Variants in MAD1L1 observed in about 807,000 individuals in gnomAD.
MAD1L1 encodes the protein mitotic spindle assembly checkpoint protein MAD1.
MAD1L1 carries 95 observed loss-of-function variants against 96.9 expected under a neutral mutation model. The observed-to-expected ratio is 0.98, with a 90% CI of 0.83 to 1.16. The LOEUF (loss-of-function observed/expected upper bound fraction) is 1.16, where lower values mean the gene tolerates loss of function less well. Ranked by LOEUF, MAD1L1 falls within the 50% of genes most tolerant of loss-of-function variation. The probability of loss-of-function intolerance (pLI) is 0.00; values close to 1 mark genes in which losing one functional copy is unlikely to be tolerated. For missense variants in MAD1L1, 1,007 were observed against 954.4 expected (o/e 1.06, Z -0.73); for synonymous variants, 473 against 396.6 (o/e 1.19, Z -2.29).
chr7:1,975,176 G>A (rs1379223614), intron 15 of MAD1L1, among the ~76,000 whole-genome samples: 9 of 152,338 alleles, frequency 5.9e-5, no homozygotes, highest in Non-Finnish European at 7.3e-5. Context: ...GAAGCTGCTC[G>A]GGGGAGGGAG....
At chr7:2,198,655 A>AGGC (rs1399515102) in intron 10 of MAD1L1, among the ~76,000 whole-genome samples, 1 of 152,220 alleles carries the variant, frequency 6.6e-6, no homozygotes, top group African/African-American at 2.4e-5. Context: ...GCAGGCCAAC[A>AGGC]GGCGTCCATG....
intron 12 of MAD1L1, among the ~76,000 whole-genome samples, chr7:2,039,220 G>C (rs55683212): frequency 0.17 from 25,623 of 152,208 alleles, 2,695 homozygotes; most frequent in Middle Eastern, 0.31. Context: ...TTAGTCCTGA[G>C]TATTACTCTG....
At chr7:2,194,867 A>C (rs1791905525) in intron 10 of MAD1L1, among the ~76,000 whole-genome samples, 1 of 152,152 alleles carries the variant, frequency 6.6e-6, no homozygotes, top group Admixed American at 6.5e-5. Flanking sequence ...TGAAGTTAGG[A>C]GTTCAAGACC....
At chr7:2,128,491 G>GC (rs1256284245) in intron 11 of MAD1L1, among the ~76,000 whole-genome samples, 1 of 152,218 alleles carries the variant, frequency 6.6e-6, no homozygotes, top group Non-Finnish European at 1.5e-5. Context: ...CTGGAAGATG[G>GC]CCGTTCAGGA....
At chr7:2,071,760 C>A (rs928178358) in intron 11 of MAD1L1, among the ~76,000 whole-genome samples, 2 of 152,052 alleles carry the variant, frequency 1.3e-5, no homozygotes, top group African/African-American at 4.8e-5. Context: ...TTTCACTGTT[C>A]CTGGAGGGTG....
intron 10 of MAD1L1, among the ~76,000 whole-genome samples, chr7:2,195,491 T>A (rs1421419917): frequency 5.3e-5 from 8 of 152,230 alleles, no homozygotes; most frequent in Non-Finnish European, 8.8e-5. Flanking sequence ...AATAGACTCG[T>A]AAATAATTCC....
At chr7:2,161,919 C>T (rs1459769027) in intron 10 of MAD1L1, among the ~76,000 whole-genome samples, 5 of 143,106 alleles carry the variant, frequency 3.5e-5, no homozygotes, top group East Asian at 2.0e-4. Context: ...CCAGCCAGCC[C>T]GTCCGGGAGG....
chr7:1,994,689 C>T (rs1781484177), intron 14 of MAD1L1, among the ~76,000 whole-genome samples: 1 of 152,048 alleles, frequency 6.6e-6, no homozygotes, highest in African/African-American at 2.4e-5. Context: ...AAAAGGGACC[C>T]CAGAGCTCCC....
At chr7:1,956,995 C>T (rs1365285200) in intron 16 of MAD1L1, among the ~76,000 whole-genome samples, 2 of 152,238 alleles carry the variant, frequency 1.3e-5, no homozygotes, top group Admixed American at 6.5e-5. Flanking sequence ...CCCAGAAAGA[C>T]GTTCAGCAGC....
chr7:2,039,488 A>G (rs907649494), intron 12 of MAD1L1, among the ~76,000 whole-genome samples: 5 of 152,176 alleles, frequency 3.3e-5, no homozygotes, highest in Non-Finnish European at 7.3e-5. Context: ...GCAAGGCACC[A>G]GAGATGGAGT....
At position 2,215,912 on chromosome 7, in the gene MAD1L1, C is replaced by T. The variant is rs752138011; in HGVS notation, c.897G>A (p.Thr299=). 18 of 1,614,106 alleles carry T rather than the reference C, an allele frequency of 1.1e-5. No homozygotes were observed. The highest frequency in any genetic ancestry group is 1.4e-5 in the Non-Finnish European group (16 of 1,180,042). ...CGTTCTCCAGCTCCAAGCCAACCAG[C>T]GTCTCCTGCATCTTCTCCTGGCGCC... ...KLGRQEKMQE[T]LVGLELENER... Residue 299 remains threonine, a synonymous_variant, in exon 9 of 19, where the codon ACG becomes ACA. Coordinates refer to ENST00000265854, the MANE Select transcript of MAD1L1 (RefSeq NM_001013836.2).
At chr7:2,153,344 T>TA (rs1479970376) in intron 10 of MAD1L1, among the ~76,000 whole-genome samples, 1 of 151,474 alleles carries the variant, frequency 6.6e-6, no homozygotes, top group Non-Finnish European at 1.5e-5. Context: ...TAACAACAAT[T>TA]AAAAAAACAT....
At chr7:2,067,967 TAGA>T (rs57308802) in intron 12 of MAD1L1, among the ~76,000 whole-genome samples, 12,409 of 152,224 alleles carry the variant, frequency 0.082, 1,625 homozygotes, top group African/African-American at 0.28. Context: ...GCATCTTGCT[TAGA>T]AGCTCACACA....
intron 11 of MAD1L1, among the ~76,000 whole-genome samples, chr7:2,141,083 C>A (rs977862745): frequency 1.3e-5 from 2 of 152,240 alleles, no homozygotes; most frequent in African/African-American, 2.4e-5. Context: ...GGACAGACCC[C>A]AGAGCCCAGC....
chr7:2,016,788 A>G (rs1195870941), intron 12 of MAD1L1, among the ~76,000 whole-genome samples: 1 of 152,280 alleles, frequency 6.6e-6, no homozygotes, highest in Non-Finnish European at 1.5e-5. Context: ...AATTAAAGTT[A>G]CAAATCCAAC....
At chr7:2,014,358 G>T in intron 13 of MAD1L1, 144 bp downstream of exon 13, 1 of 1,062,554 alleles carries the variant, frequency 9.4e-7, no homozygotes, top group Non-Finnish European at 1.3e-6. Context: ...AGCAGCCCGT[G>T]GACACCCTCC....
At chr7:1,883,914 G>A (rs971626876) in intron 18 of MAD1L1, among the ~76,000 whole-genome samples, 17 of 152,204 alleles carry the variant, frequency 1.1e-4, no homozygotes, top group Admixed American at 7.9e-4. Flanking sequence ...TCAGGCCAGG[G>A]AGCCTCCTGG....
chr7:2,227,152 G>A (rs1028415763), intron 3 of MAD1L1, among the ~76,000 whole-genome samples: 3 of 151,700 alleles, frequency 2.0e-5, no homozygotes, highest in Middle Eastern at 3.2e-3. Flanking sequence ...AAAATTAGCC[G>A]AGTGTGGTGG....
chr7:2,220,488 T>A (rs937532226), intron 5 of MAD1L1, among the ~76,000 whole-genome samples: 1 of 152,214 alleles, frequency 6.6e-6, no homozygotes, highest in African/African-American at 2.4e-5. Flanking sequence ...GAAGCATCAC[T>A]GTAAGTTAAC....
Sources: allele counts gnomAD v4.1 joint callset (sites outside exome capture counted in the v4.1 genomes callset), GRCh38; gene constraint gnomAD v4.1.1; transcripts MANE v1.5; gene names NCBI Gene and HGNC (gene_info 2026-07-23, HGNC 2026-07-21).